The following CPEB2 variants were observed in gnomAD, a reference collection of about 807,000 sequenced individuals.
The protein encoded by CPEB2 is cytoplasmic polyadenylation element-binding protein 2.
In CPEB2, 56 loss-of-function variants were observed where a neutral mutation model predicts 93.6. The ratio of observed to expected loss-of-function variants is 0.60; its 90% CI spans 0.48 to 0.75. The LOEUF (loss-of-function observed/expected upper bound fraction) is 0.75. Among genes scored for constraint, CPEB2 ranks in the 30% least tolerant of loss-of-function variants. The probability of loss-of-function intolerance (pLI) is 0.00; values close to 1 mark genes in which losing one functional copy is unlikely to be tolerated. For missense variants in CPEB2, 1,579 were observed against 1,395.1 expected, an observed-to-expected ratio of 1.13 and a Z score of -2.10; for synonymous variants, 764 against 586.3, an observed-to-expected ratio of 1.30 and a Z score of -4.38.
At position 15,002,945 on chromosome 4, in the gene CPEB2, A is replaced by G; in HGVS notation, c.272A>G (p.Gln91Arg). The change falls in exon 1 of 12, where the codon CAG (glutamine) becomes CGG (arginine). Residue 91 changes from glutamine (Q) to arginine (R), a missense_variant. Around this residue, in one of 2 missense-constraint regions of CPEB2, gnomAD observed 1,411 missense variants for 1,056.0 expected, o/e 1.34. Transcript: ENST00000538197. Reference protein sequence around the residue: ...SSSSPFLAHQQTMQDELLLGL... With the variant: ...SSSSPFLAHQRTMQDELLLGL... ...TCCTCCCCGTTCCTGGCGCATCAGC[A>G]GACCATGCAGGATGAGCTGCTTCTG... 6.6e-6 allele frequency: 10 copies of G among 1,515,484 alleles called. No individual in the cohort carries two copies. Among genetic ancestry groups the G allele is most frequent in the Non-Finnish European group, 8.8e-6 (10 of 1,141,558 alleles). 93.9% of individuals were successfully genotyped at this position (1,515,484 alleles called of 1,614,324 possible).
In CPEB2 at chr4:15,002,571, ACT is replaced by A; in HGVS notation, c.-101_-100del. On this transcript the variant is annotated 5_prime_UTR_variant, in exon 1 of 12. Transcript: ENST00000538197. ...CAGTCACGGTGTCCCTCTCTCACTG[ACT>A]CCCCCTCCTTCCACCACGGCCGCGC... 2 of 925,124 alleles carry A rather than the reference ACT, an allele frequency of 2.2e-6. No individual in the cohort carries two copies. The highest frequency in any genetic ancestry group is 1.8e-5 in the South Asian group (1 of 54,698). 57.3% of individuals were successfully genotyped at this position (925,124 alleles called of 1,614,324 possible). A position where few individuals can be genotyped will look rare whatever the true frequency, so the allele number is the denominator to read the frequency against.
chr4:15,004,979 C>T (rs905259670), intron 1 of CPEB2: 1 of 152,186 alleles, frequency 6.6e-6, no homozygotes, highest in African/African-American at 2.4e-5. Context: ...GGTGATCTCG[C>T]CTTGAAGCCT....
Position 15,045,263 on chromosome 4 carries a change from A to C in CPEB2, c.2200+4776A>C, listed in dbSNP as rs190056965. Among the ~76,000 whole-genome samples the C allele has an allele frequency of 3.7e-3, 561 of 152,298 alleles. 6 individuals carry two copies. The highest frequency in any genetic ancestry group is 6.0e-3 in the Non-Finnish European group (407 of 68,014). On this transcript the variant is annotated intron_variant, in intron 6 of 11. Transcript: ENST00000538197. ...GTTATAATTAATCTTCTCTGCTTCTAAATTCTCAGATGTTTTATCTGTATT... is the reference window on the plus strand; with the variant it reads ...GTTATAATTAATCTTCTCTGCTTCTCAATTCTCAGATGTTTTATCTGTATT...
At chr4:15,029,477 G>A (rs949377154) in intron 4 of CPEB2, among the ~76,000 whole-genome samples, 5 of 151,990 alleles carry the variant, frequency 3.3e-5, no homozygotes, top group Non-Finnish European at 7.4e-5. Context: ...GTATCTTAAT[G>A]TGAAAGGAGC....
chr4:15,008,550 G>T, intron 3 of CPEB2, 123 bp downstream of exon 3: 1 of 506,348 alleles, frequency 2.0e-6, no homozygotes, highest in Admixed American at 3.9e-5. Context: ...GGACACTGAA[G>T]CAATTTATTT....
At position 15,058,544 on chromosome 4, in the gene CPEB2, G is replaced by GTAAA; in HGVS notation, c.2580+8_2580+11dup. 6.8e-7 allele frequency: 1 copy of GTAAA among 1,476,362 alleles called. No individual in the cohort carries two copies. Among genetic ancestry groups the GTAAA allele is most frequent in the South Asian group, 1.2e-5 (1 of 84,674 alleles). 91.5% of individuals were successfully genotyped at this position (1,476,362 alleles called of 1,614,324 possible). A position where few individuals can be genotyped will look rare whatever the true frequency, so the allele number is the denominator to read the frequency against. ...CCTACTATCAAGGACAAACCAGTAAGTAAATACCACATGAACTTCAGGCTA... is the reference window on the plus strand; with the variant it reads ...CCTACTATCAAGGACAAACCAGTAAGTAAATAAATACCACATGAACTTCAGGCTA... On this transcript the variant is annotated splice_donor_region_variant and intron_variant, in intron 9 of 11. Coordinates refer to ENST00000538197, the MANE Select transcript of CPEB2 (RefSeq NM_001177382.2).
Position 15,066,301 on chromosome 4 carries a change from G to A in CPEB2, c.3026G>A (p.Arg1009His), listed in dbSNP as rs759238935. ...TTTTGTTGGGCAAATATCCACTCTC[G>A]TGCTGGACGTGAGTTCCATAAGCCA... ...CEFCWANIHS[R>H]AGREFHKPLV... The change falls in exon 12 of 12, where the codon CGT (arginine) becomes CAT (histidine). Residue 1009 changes from arginine to histidine, a missense_variant. Transcript: ENST00000538197. 3.7e-6 allele frequency: 6 copies of A among 1,613,292 alleles called. No homozygotes were observed. Among genetic ancestry groups the A allele is most frequent in the East Asian group, 2.2e-5 (1 of 44,858 alleles).
intron 6 of CPEB2, among the ~76,000 whole-genome samples, chr4:15,050,995 T>G (rs1458024612): frequency 2.0e-5 from 3 of 152,252 alleles, no homozygotes; most frequent in South Asian, 4.1e-4. Context: ...ATCTAAAGCT[T>G]AAATTATTTT....
At chr4:15,039,914 C>T (rs955045027) in intron 5 of CPEB2, among the ~76,000 whole-genome samples, 2 of 151,932 alleles carry the variant, frequency 1.3e-5, no homozygotes, top group Non-Finnish European at 2.9e-5. Context: ...TTCTTAAATC[C>T]TGTCTAATCT....
intron 11 of CPEB2, among the ~76,000 whole-genome samples, chr4:15,064,058 A>G (rs1729462029): frequency 6.6e-6 from 1 of 152,126 alleles, no homozygotes; most frequent in Non-Finnish European, 1.5e-5. Context: ...CTGCCAACCC[A>G]GAGATACACG....
chr4:15,051,426 C>T (rs1202992903), intron 6 of CPEB2, among the ~76,000 whole-genome samples: 1 of 152,132 alleles, frequency 6.6e-6, no homozygotes, highest in African/African-American at 2.4e-5. Context: ...ATTTTTCCTA[C>T]ATTTTCTTAT....
At chr4:15,035,185 A>G (rs1726487603) in intron 5 of CPEB2, among the ~76,000 whole-genome samples, 1 of 151,384 alleles carries the variant, frequency 6.6e-6, no homozygotes, top group South Asian at 2.1e-4. Flanking sequence ...AGTGTTTAGT[A>G]ATAAATTTTG....
rs1729921382 is a variant in CPEB2, at chr4:15,069,261, A to G, written c.*2881A>G. On this transcript the variant is annotated 3_prime_UTR_variant, in exon 12 of 12. Coordinates refer to ENST00000538197, the MANE Select transcript of CPEB2 (RefSeq NM_001177382.2). ...AGAGCCTCTCCTCAAAGATGCTACA[A>G]AACTTGAATATAACACATTTTGGAA... is the stretch of plus-strand genomic sequence containing the variant. The G allele has an allele frequency of 6.6e-6, 1 of 152,324 alleles. No homozygotes were observed. The highest frequency in any genetic ancestry group is 2.4e-5 in the African/African-American group (1 of 41,424). 9.4% of individuals were successfully genotyped at this position (152,324 alleles called of 1,614,324 possible).
rs1043323498 is a variant in CPEB2 at position 15,003,122 on chromosome 4, C to T, written c.449C>T (p.Ser150Phe). Residue 150 changes from serine (S) to phenylalanine (F), a missense_variant, in exon 1 of 12, where the codon TCC (serine) becomes TTC (phenylalanine). By Grantham distance (155) the Ser-to-Phe change is radical. Around this residue, in one of 2 missense-constraint regions of CPEB2, gnomAD observed 1,411 missense variants for 1,056.0 expected, o/e 1.34. Coordinates refer to ENST00000538197, the MANE Select transcript of CPEB2 (RefSeq NM_001177382.2). ...FKPSLHHPSS[S>F]SASSCCCCRT... ...CCGAGTCTGCACCACCCCTCCTCCT[C>T]CTCCGCCTCCTCCTGCTGCTGCTGC... 61 of 1,532,774 alleles carry T rather than the reference C, an allele frequency of 4.0e-5. No homozygotes were observed. The highest frequency in any genetic ancestry group is 5.1e-5 in the Non-Finnish European group (58 of 1,145,714). The allele number at this position is 1,532,774 out of a possible 1,614,324, so 94.9% of individuals were successfully genotyped here.
At chr4:15,052,679 C>A in intron 7 of CPEB2, 95 bp downstream of exon 7, 1 of 691,354 alleles carries the variant, frequency 1.4e-6, no homozygotes, top group Non-Finnish European at 2.1e-6. Flanking sequence ...AAAGTTTTTA[C>A]CACCTAGAGA....
At position 15,019,947 on chromosome 4, in the gene CPEB2, CATGAAGT is replaced by C. The variant is rs1257868601; in HGVS notation, c.2125+2671_2125+2677del. 2.0e-5 allele frequency among the ~76,000 whole-genome samples: 3 copies of C among 152,014 alleles called. No homozygotes were observed. In the East Asian group the frequency reaches 5.8e-4, roughly 29 times the overall value. ...TGGTTACTTCTGGCTAAGGATATCT[CATGAAGT>C]AGCAGTCAACATACTGGCTGAGGCT... On this transcript the variant is annotated intron_variant, in intron 4 of 11. Coordinates refer to ENST00000538197, the MANE Select transcript of CPEB2 (RefSeq NM_001177382.2).
At chr4:15,061,017 T>C (rs1729143264) in intron 10 of CPEB2, among the ~76,000 whole-genome samples, 1 of 152,142 alleles carries the variant, frequency 6.6e-6, no homozygotes, top group Non-Finnish European at 1.5e-5. Flanking sequence ...TTTCTGTTGC[T>C]TTCTAACTGG....
chr4:15,054,762 A>G (rs1299208539), intron 8 of CPEB2, among the ~76,000 whole-genome samples: 1 of 152,220 alleles, frequency 6.6e-6, no homozygotes, highest in African/African-American at 2.4e-5. Flanking sequence ...TCAAGTCACC[A>G]TCTGTGGGGA....
intron 10 of CPEB2, among the ~76,000 whole-genome samples, chr4:15,061,693 G>A (rs1729201332): frequency 1.3e-5 from 2 of 149,590 alleles, no homozygotes; most frequent in South Asian, 4.3e-4. Context: ...GAAAATTATA[G>A]TGTACTTGGG....
Sources: allele counts gnomAD v4.1 joint callset (sites outside exome capture counted in the v4.1 genomes callset), GRCh38; gene constraint gnomAD v4.1.1; regional missense constraint gnomAD v4.1.1; transcripts MANE v1.5; gene names NCBI Gene and HGNC (gene_info 2026-07-23, HGNC 2026-07-21).